Variants in RBM20 observed in about 807,000 individuals in gnomAD.
The protein encoded by RBM20 is RNA binding motif protein 20.
In RBM20, 51 loss-of-function variants were observed where a neutral mutation model predicts 110.1. The observed-to-expected ratio is 0.46, with a 90% confidence interval of 0.37 to 0.59. RBM20 has a LOEUF of 0.59. RBM20 is among the 20% of genes least tolerant of loss of function. RBM20 has a pLI of 0.00. For synonymous variants in RBM20, 589 were observed against 618.2 expected, an observed-to-expected ratio of 0.95 and a Z score of 0.70; for missense variants, 1,512 against 1,574.9, an observed-to-expected ratio of 0.96 and a Z score of 0.68.
intron 1 of RBM20, among the ~76,000 whole-genome samples, chr10:110,651,050 C>G (rs1196952382): frequency 6.6e-6 from 1 of 152,186 alleles, no homozygotes; most frequent in East Asian, 1.9e-4. Context: ...CCTGGACAAG[C>G]CAATTAACCT....
At position 110,797,782 on chromosome 10, in the gene RBM20, C is replaced by T. The variant is rs1015655514; in HGVS notation, c.1668+134C>T. The stretch of plus-strand genomic sequence containing the variant: ...CGTAGCTGGCCTTCTGTTGGCATGG[C>T]GTAGGTGTTTTTGCTGGTGATGTTT... On this transcript the variant is annotated intron_variant, in intron 6 of 13. Coordinates refer to ENST00000369519, the MANE Select transcript of RBM20 (RefSeq NM_001134363.3). 1.1e-4 allele frequency: 101 copies of T among 922,088 alleles called. 1 individual carries two copies. Among genetic ancestry groups the T allele is most frequent in the Middle Eastern group, 3.3e-4 (1 of 3,014 alleles). The allele number at this position is 922,088 out of a possible 1,614,324, so 57.1% of individuals were successfully genotyped here. A position where few individuals can be genotyped will look rare whatever the true frequency, so the allele number is the denominator to read the frequency against.
intron 12 of RBM20, among the ~76,000 whole-genome samples, chr10:110,825,090 CA>C (rs1844966988): frequency 6.6e-6 from 1 of 151,558 alleles, no homozygotes; most frequent in Non-Finnish European, 1.5e-5. Context: ...TCTCCCAAGA[CA>C]AAAACATAAG....
At chr10:110,734,014 C>T (rs544127154) in intron 1 of RBM20, among the ~76,000 whole-genome samples, 9 of 147,140 alleles carry the variant, frequency 6.1e-5, no homozygotes, top group African/African-American at 1.8e-4. Flanking sequence ...TGCATTTCTT[C>T]TCTTTTTTTT....
chr10:110,810,679 C>T (rs1590694542), intron 8 of RBM20, among the ~76,000 whole-genome samples: 1 of 152,170 alleles, frequency 6.6e-6, no homozygotes, highest in Non-Finnish European at 1.5e-5. Flanking sequence ...ATACAAAATG[C>T]TGAGCTTCCC....
chr10:110,728,120 A>G lies in RBM20; in HGVS notation c.192-52681A>G, dbSNP rs145990030. On this transcript the variant is annotated intron_variant, in intron 1 of 13. Coordinates refer to ENST00000369519, the MANE Select transcript of RBM20 (RefSeq NM_001134363.3). ...AGTGCTGTAATAAACATACGTGTGC[A>G]TGTGTCTTTATAGTAAAATGATTTA... Among the ~76,000 whole-genome samples the G allele has an allele frequency of 5.9e-3, 894 of 152,320 alleles. 11 individuals carry two copies. The highest frequency in any genetic ancestry group is 0.02 in the African/African-American group (850 of 41,570).
intron 1 of RBM20, among the ~76,000 whole-genome samples, chr10:110,690,619 T>A (rs1021045410): frequency 1.3e-5 from 2 of 152,230 alleles, no homozygotes; most frequent in Admixed American, 6.5e-5. Context: ...TTTAGGTATC[T>A]CATATAAGTA....
At chr10:110,674,227 C>A (rs77258656) in intron 1 of RBM20, among the ~76,000 whole-genome samples, 5,423 of 152,206 alleles carry the variant, frequency 0.036, 327 homozygotes, top group African/African-American at 0.12. Flanking sequence ...GGATGGAAGT[C>A]ATTTTTGAGT....
intron 7 of RBM20, among the ~76,000 whole-genome samples, chr10:110,803,309 T>C (rs553816182): frequency 7.9e-5 from 12 of 152,348 alleles, no homozygotes; most frequent in South Asian, 6.2e-4. Flanking sequence ...AGCTGCATTG[T>C]TATAGTGTGT....
At position 110,737,177 on chromosome 10, in the gene RBM20, C is replaced by CAAAAAAA. The variant is rs550138775; in HGVS notation, c.192-43610_192-43604dup. The stretch of plus-strand genomic sequence containing the variant: ...GGGCAAGAAGAGTGAAACTCTGCCT[C>CAAAAAAA]AAAAAAAAAAAAAAAAAAAACACCC... On this transcript the variant is annotated intron_variant, in intron 1 of 13. Transcript: ENST00000369519. Among the ~76,000 whole-genome samples, 68 of 26,612 alleles carry CAAAAAAA rather than the reference C, an allele frequency of 2.6e-3. 4 individuals carry two copies. Among genetic ancestry groups the CAAAAAAA allele is most frequent in the African/African-American group, 9.7e-3 (54 of 5,574 alleles). The allele number at this position is 26,612 out of a possible 152,430, so 17.5% of individuals were successfully genotyped here. A position where few individuals can be genotyped will look rare whatever the true frequency, so the allele number is the denominator to read the frequency against.
At position 110,821,548 on chromosome 10, in the gene RBM20, A is replaced by G; in HGVS notation, c.2929A>G (p.Ser977Gly). The stretch of plus-strand genomic sequence containing the variant: ...CGTAGGGAATGGGGCTGCAGAAATC[A>G]GCCTCAAGTCACCCAGAGAACTGCC... ...KAVGNGAAEI[S>G]LKSPRELPSA... is the part of the protein sequence containing the mutation. Residue 977 changes from serine to glycine, a missense_variant, in exon 11 of 14, where the codon AGC becomes GGC. Transcript: ENST00000369519. The G allele has an allele frequency of 1.3e-6, 2 of 1,551,508 alleles. No homozygotes were observed. Among genetic ancestry groups the G allele is most frequent in the Non-Finnish European group, 1.7e-6 (2 of 1,146,586 alleles).
At chr10:110,780,639 AT>A (rs1844324935) in intron 1 of RBM20, among the ~76,000 whole-genome samples, 161 bp from the exon 2 acceptor site, 1 of 125,590 alleles carries the variant, frequency 8.0e-6, no homozygotes, top group Non-Finnish European at 1.7e-5. Context: ...TTTTTTTTTA[AT>A]GTGTATGTGT....
chr10:110,697,085 G>A (rs780611323), intron 1 of RBM20, among the ~76,000 whole-genome samples: 2 of 152,160 alleles, frequency 1.3e-5, no homozygotes, highest in Non-Finnish European at 2.9e-5. Context: ...GATGGCTCAG[G>A]CTTGATATGA....
intron 1 of RBM20, among the ~76,000 whole-genome samples, chr10:110,731,624 C>A (rs973533887): frequency 5.4e-5 from 8 of 149,494 alleles, no homozygotes; most frequent in Non-Finnish European, 1.2e-4. Flanking sequence ...GCCTTTTATA[C>A]TGTAATTTGT....
intron 1 of RBM20, among the ~76,000 whole-genome samples, chr10:110,705,493 A>C (rs1370210047): frequency 2.0e-5 from 3 of 152,226 alleles, no homozygotes; most frequent in Non-Finnish European, 2.9e-5. Flanking sequence ...TGGAGATACA[A>C]ACTGTGTTGG....
chr10:110,809,218 T>TAAAAAAAAAACA (rs1428923765), intron 7 of RBM20, among the ~76,000 whole-genome samples: 2 of 60,692 alleles, frequency 3.3e-5, no homozygotes, highest in African/African-American at 1.0e-4. Context: ...CCCCGTTTCT[T>TAAAAAAAAAACA]AAAAAAAAAA....
chr10:110,823,695 CT>C (rs1844946945), intron 12 of RBM20, 81 bp downstream of exon 12: 1 of 1,452,992 alleles, frequency 6.9e-7, no homozygotes. Context: ...CTTGAGAGAG[CT>C]TTTTGGCATT....
At chr10:110,663,368 G>A (rs1014740114) in intron 1 of RBM20, among the ~76,000 whole-genome samples, 6 of 152,186 alleles carry the variant, frequency 3.9e-5, no homozygotes, top group Admixed American at 1.3e-4. Context: ...GACGATCTCC[G>A]TGTACTGCTA....
At chr10:110,672,712 T>C (rs1447044151) in intron 1 of RBM20, among the ~76,000 whole-genome samples, 2 of 152,234 alleles carry the variant, frequency 1.3e-5, no homozygotes, top group African/African-American at 2.4e-5. Flanking sequence ...AACTTTCTTT[T>C]GGAGTGCCAG....
chr10:110,819,524 A>C (rs778713122), intron 9 of RBM20, among the ~76,000 whole-genome samples: 1 of 152,144 alleles, frequency 6.6e-6, no homozygotes, highest in African/African-American at 2.4e-5. Flanking sequence ...GAGGGTCCTG[A>C]TTTGGGGGAA....
Sources: allele counts gnomAD v4.1 joint callset (sites outside exome capture counted in the v4.1 genomes callset), GRCh38; gene constraint gnomAD v4.1.1; transcripts MANE v1.5; gene names NCBI Gene and HGNC (gene_info 2026-07-23, HGNC 2026-07-21).